The following DCHS1 variants were observed in gnomAD, a reference collection of about 807,000 sequenced individuals.
DCHS1 encodes the protein protocadherin-16.
DCHS1 carries 78 observed loss-of-function variants against 213.9 expected under a neutral mutation model. The ratio of observed to expected loss-of-function variants is 0.36; its 90% CI spans 0.30 to 0.44. The LOEUF (loss-of-function observed/expected upper bound fraction) is 0.44. DCHS1 is among the 20% of genes least tolerant of loss of function. DCHS1 has a pLI of 1.00. For synonymous variants in DCHS1, 1,828 were observed against 1,873.7 expected, an observed-to-expected ratio of 0.98 and a Z score of 0.63; for missense variants, 3,946 against 4,395.9, an observed-to-expected ratio of 0.90 and a Z score of 2.89.
chr11:6,639,149 C>T (rs550398365), intron 2 of DCHS1, among the ~76,000 whole-genome samples: 2 of 152,090 alleles, frequency 1.3e-5, no homozygotes, highest in East Asian at 3.9e-4. Flanking sequence ...CCTTTGCTTC[C>T]CAAGTAGTCC....
chr11:6,624,090 C>G lies in DCHS1; in HGVS notation c.7586G>C (p.Arg2529Pro). The G allele has an allele frequency of 6.2e-7, 1 of 1,612,160 alleles. No individual in the cohort carries two copies. Among genetic ancestry groups the G allele is most frequent in the Non-Finnish European group, 8.5e-7 (1 of 1,179,216 alleles). Reference protein sequence around the residue: ...DYSIISGNWGRVFQLEPRLAE... With the variant: ...DYSIISGNWGPVFQLEPRLAE... ...CAGCCTGGGTTCCAGCTGGAAGACT[C>G]GGCCCCAGTTGCCACTGATGATGCT... is the stretch of plus-strand genomic sequence containing the variant. Residue 2529 changes from arginine to proline, a missense_variant, in exon 21 of 21, where the codon CGA becomes CCA. Arg to Pro is a moderately radical substitution (Grantham distance 103). Coordinates refer to ENST00000299441, the MANE Select transcript of DCHS1 (RefSeq NM_003737.4).
intron 20 of DCHS1, 99 bp downstream of exon 20, chr11:6,624,623 GCCAGAGAT>G: frequency 6.6e-7 from 1 of 1,520,814 alleles, no homozygotes; most frequent in African/African-American, 1.4e-5. Context: ...TCCTCCCTAG[GCCAGAGAT>G]CCAGGAGTTA....
rs763087255 is a variant in DCHS1, at chr11:6,633,796, C to T, written c.2211G>A (p.Glu737=). The T allele has an allele frequency of 6.2e-7, 1 of 1,613,132 alleles. No homozygotes were observed. The highest frequency in any genetic ancestry group is 8.5e-7 in the Non-Finnish European group (1 of 1,179,714). ...GAATGGGAGGATCCTCACCTGATTG[C>T]TCATCCAAGGTAAAAAGTGGGGGGC... ...GNSPPLFTLD[E]QSGLLTVAWP... is the part of the protein sequence containing the mutation. Residue 737 remains glutamate, a synonymous_variant, in exon 4 of 21, where the codon GAG becomes GAA. Coordinates refer to ENST00000299441, the MANE Select transcript of DCHS1 (RefSeq NM_003737.4).
chr11:6,644,756 G>A (rs1335668490), intron 1 of DCHS1, among the ~76,000 whole-genome samples: 1 of 152,244 alleles, frequency 6.6e-6, no homozygotes, highest in East Asian at 1.9e-4. Flanking sequence ...CACTCAGAGA[G>A]ACACATCCAT....
chr11:6,648,895 T>C (rs1856205816), intron 1 of DCHS1, among the ~76,000 whole-genome samples: 1 of 152,152 alleles, frequency 6.6e-6, no homozygotes, highest in African/African-American at 2.4e-5. Context: ...GGCTCGACTG[T>C]CAGGCTGGAG....
intron 2 of DCHS1, 104 bp downstream of exon 2, chr11:6,639,713 T>C (rs1486421710): frequency 2.0e-6 from 2 of 982,316 alleles, no homozygotes; most frequent in African/African-American, 3.3e-5. Flanking sequence ...CTAGCATAAG[T>C]CACCATCAAC....
chr11:6,629,350 T>G (rs1589955330), intron 12 of DCHS1, 102 bp downstream of exon 12: 1 of 1,473,100 alleles, frequency 6.8e-7, no homozygotes, highest in East Asian at 2.4e-5. Context: ...TTTGTGGTAA[T>G]AGGCAAAAAC....
Position 6,628,745 on chromosome 11 carries a change from T to C in DCHS1, c.5247A>G (p.Pro1749=). The change falls in exon 13 of 21, where the codon CCA becomes CCG. Residue 1749 remains proline (P), a synonymous_variant. Coordinates refer to ENST00000299441, the MANE Select transcript of DCHS1 (RefSeq NM_003737.4). This position sits in a 1 kb window ranked among gnomAD's most constrained non-coding sequence, Gnocchi z 4.3. ...GAGAGAGATGGGCACTCCCAAAGGT[T>C]GGTGCATGGTCATTCTCATCCTCCA... ...VAVEDENDHA[P]TFGSAHLSLE... is the part of the protein sequence containing the mutation. 2 of 1,613,994 alleles carry C rather than the reference T, an allele frequency of 1.2e-6. No individual in the cohort carries two copies. The highest frequency in any genetic ancestry group is 1.7e-6 in the Non-Finnish European group (2 of 1,179,890).
At chr11:6,654,187 A>G (rs1856283868) in intron 1 of DCHS1, among the ~76,000 whole-genome samples, 1 of 152,134 alleles carries the variant, frequency 6.6e-6, no homozygotes, top group African/African-American at 2.4e-5. Flanking sequence ...AGAAGTTGGG[A>G]CAGGTCTTCC....
Position 6,630,147 on chromosome 11 carries a change from C to T in DCHS1, c.4647G>A (p.Pro1549=). The stretch of plus-strand genomic sequence containing the variant: ...GGTCCTCTGGGAGGCGCACGCGTGA[C>T]GGCGAGGCGAAGACAGGCGCGTTGT... ...ENDNAPVFAS[P]SRVRLPEDQP... Residue 1549 remains proline, a synonymous_variant, in exon 10 of 21, where the codon CCG becomes CCA. Transcript: ENST00000299441. The T allele has an allele frequency of 6.2e-7, 1 of 1,603,660 alleles. No individual in the cohort carries two copies. The highest frequency in any genetic ancestry group is 8.5e-7 in the Non-Finnish European group (1 of 1,174,624).
In DCHS1 at chr11:6,633,403, A is replaced by C. The variant is rs1010832189; in HGVS notation, c.2455+9T>G. On this transcript the variant is annotated intron_variant, in intron 5 of 20. Coordinates refer to ENST00000299441, the MANE Select transcript of DCHS1 (RefSeq NM_003737.4). ...TCTGACACCAAGTGGGTATAAAGCT[A>C]AATGATACCTGGTGGGTTGTGTGCC... 4.5e-6 allele frequency: 7 copies of C among 1,551,502 alleles called. No homozygotes were observed. The highest frequency in any genetic ancestry group is 2.7e-5 in the African/African-American group (2 of 73,088).
Position 6,633,832 on chromosome 11 carries a change from C to T in DCHS1, c.2175G>A (p.Leu725=), listed in dbSNP as rs746635930. 6.2e-7 allele frequency: 1 copy of T among 1,613,806 alleles called. No individual in the cohort carries two copies. The highest frequency in any genetic ancestry group is 1.3e-5 in the African/African-American group (1 of 74,910). Residue 725 remains leucine (L), a synonymous_variant, in exon 4 of 21, where the codon CTG becomes CTA. Transcript: ENST00000299441. ...GSHGRLSYHI[L]AGNSPPLFTL... ...TAAAAAGTGGGGGGCTGTTGCCAGCCAGGATATGGTAGGAGAGTCGCCCAT... is the reference window on the plus strand; with the variant it reads ...TAAAAAGTGGGGGGCTGTTGCCAGCTAGGATATGGTAGGAGAGTCGCCCAT...
At chr11:6,646,395 C>T (rs1336357046) in intron 1 of DCHS1, among the ~76,000 whole-genome samples, 1 of 152,144 alleles carries the variant, frequency 6.6e-6, no homozygotes, top group Non-Finnish European at 1.5e-5. Flanking sequence ...TCTCCCGAGA[C>T]CGTCTCATGC....
rs1855735357 is a variant in DCHS1, at chr11:6,623,288, A to G, written c.8388T>C (p.Ser2796=). Residue 2796 remains serine, a synonymous_variant, in exon 21 of 21, where the codon TCT becomes TCC. Transcript: ENST00000299441. ...CAGTCACTAGCACCGACACAGTGAC[A>G]GAGGCTGAGAGATTCCCAGCATCAG... ...GAADAGNLSA[S]VTVSVLVTGE... is the part of the protein sequence containing the mutation. 1 of 1,587,866 alleles carries G rather than the reference A, an allele frequency of 6.3e-7. No homozygotes were observed. Among genetic ancestry groups the G allele is most frequent in the South Asian group, 1.1e-5 (1 of 87,270 alleles).
rs774099738 is a variant in DCHS1, at chr11:6,626,949, G to A, written c.6090C>T (p.Gly2030=). The A allele has an allele frequency of 1.9e-6, 3 of 1,613,640 alleles. No individual in the cohort carries two copies. Among genetic ancestry groups the A allele is most frequent in the Non-Finnish European group, 1.7e-6 (2 of 1,179,892 alleles). The change falls in exon 14 of 21, where the codon GGC becomes GGT. Residue 2030 remains glycine, a synonymous_variant. Coordinates refer to ENST00000299441, the MANE Select transcript of DCHS1 (RefSeq NM_003737.4). This position sits in a 1 kb window ranked among gnomAD's most constrained non-coding sequence, Gnocchi z 5.2. ...CAATGAAGAGGACACGATCTCGGGG[G>A]CCTAGAGCTACAGGAGAGCGGGCCA... ...IRVARSPVAL[G]PRDRVLFIVA... is the part of the protein sequence containing the mutation.
In DCHS1 at chr11:6,641,560, C is replaced by A; in HGVS notation, c.54G>T (p.Arg18Ser). Residue 18 changes from arginine (R) to serine (S), a missense_variant, in exon 2 of 21, where the codon AGG becomes AGT. Transcript: ENST00000299441. The surrounding 1 kb of genome is among the most constrained non-coding windows in gnomAD (Gnocchi z 7.1). ...VPSCPGMKSP[R>S]PHLLLPLLLL... ...GCAGCAATGGTAGCAGGAGGTGGGG[C>A]CTGGGGCTCTTCATGCCAGGGCAGG... 6.4e-7 allele frequency: 1 copy of A among 1,551,138 alleles called. No individual in the cohort carries two copies. The highest frequency in any genetic ancestry group is 8.7e-7 in the Non-Finnish European group (1 of 1,147,268).
In DCHS1 at chr11:6,623,259, T is replaced by A. The variant is rs140214537; in HGVS notation, c.8417A>T (p.Glu2806Val). ...SVTVSVLVTG[E>V]DEYDPVFLAP... The stretch of plus-strand genomic sequence containing the variant: ...CAGAAATACAGGGTCATACTCATCC[T>A]CTCCAGTCACTAGCACCGACACAGT... The change falls in exon 21 of 21, where the codon GAG becomes GTG. Residue 2806 changes from glutamate (E) to valine (V), a missense_variant. Around this residue, in one of 3 missense-constraint regions of DCHS1, gnomAD observed 3,384 missense variants for 3,780.1 expected, o/e 0.90. Transcript: ENST00000299441. The A allele has an allele frequency of 3.8e-6, 6 of 1,590,872 alleles. No homozygotes were observed. Among genetic ancestry groups the A allele is most frequent in the Non-Finnish European group, 4.3e-6 (5 of 1,168,736 alleles).
rs933504957 is a variant in DCHS1 at position 6,624,746 on chromosome 11, A to G, written c.7269T>C (p.Ser2423=). 6 of 1,613,826 alleles carry G rather than the reference A, an allele frequency of 3.7e-6. No individual in the cohort carries two copies. The Admixed American group carries it at 1.0e-4, about 27-fold the overall frequency. ...AAGACGCACCATTGTTGGGGTCAAC[A>G]CTGAAGCCATCGGCAGGGGAAGCCA... The part of the protein sequence containing the change: ...YHLASPADGF[S]VDPNNGTLFT... Residue 2423 remains serine, a synonymous_variant, in exon 20 of 21, where the codon AGT becomes AGC. Transcript: ENST00000299441.
Position 6,623,137 on chromosome 11 carries a change from G to A in DCHS1, c.8539C>T (p.Leu2847=). ...GAGGTGGCAAGGGAATACAGAACCA[G>A]GCCATCGGCACCCCCATCCTCATCT... ...ATDEDGGADG[L]VLYSLATSSP... is the part of the protein sequence containing the mutation. Residue 2847 remains leucine (L), a synonymous_variant, in exon 21 of 21, where the codon CTG becomes TTG. Coordinates refer to ENST00000299441, the MANE Select transcript of DCHS1 (RefSeq NM_003737.4). 1 of 1,608,910 alleles carries A rather than the reference G, an allele frequency of 6.2e-7. No homozygotes were observed.
Sources: gnomAD v4.1 joint callset for allele counts (sites outside exome capture counted in the v4.1 genomes callset) on GRCh38, gnomAD v4.1.1 for gene constraint, gnomAD v4.1.1 regional missense constraint, Gnocchi (gnomAD v3.1) non-coding constraint, MANE v1.5 for transcripts, NCBI Gene and HGNC (gene_info 2026-07-23, HGNC 2026-07-21) for gene names.